Variants in PHLDB3 observed in about 807,000 individuals in gnomAD.
PHLDB3 encodes pleckstrin homology-like domain family B member 3.
A neutral mutation model predicts 85.7 loss-of-function variants in PHLDB3; 86 were observed. The observed-to-expected ratio is 1.00, with a 90% CI of 0.84 to 1.20. The LOEUF is 1.20. Among genes scored for constraint, PHLDB3 ranks in the 50% most tolerant of loss-of-function variants. The probability of loss-of-function intolerance (pLI) is 0.00; values close to 1 mark genes in which losing one functional copy is unlikely to be tolerated. For missense variants in PHLDB3, 995 were observed against 873.0 expected, an observed-to-expected ratio of 1.14 and a Z score of -1.76; for synonymous variants, 376 against 349.8, an observed-to-expected ratio of 1.07 and a Z score of -0.83.
chr19:43,476,196 C>T (rs901967829), intron 15 of PHLDB3, among the ~76,000 whole-genome samples: 1 of 152,184 alleles, frequency 6.6e-6, no homozygotes, highest in East Asian at 1.9e-4. Flanking sequence ...ATCTAGGTCC[C>T]CTTGTACCTG....
chr19:43,492,459 T>C (rs1971342480), intron 9 of PHLDB3, among the ~76,000 whole-genome samples: 1 of 151,628 alleles, frequency 6.6e-6, no homozygotes, highest in Admixed American at 6.6e-5. Flanking sequence ...AGGTGATCCA[T>C]CTGCCTCAGC....
At position 43,502,182 on chromosome 19, in the gene PHLDB3, C is replaced by G. The variant is rs775920456; in HGVS notation, c.315G>C (p.Gln105His). 3 of 1,578,696 alleles carry G rather than the reference C, an allele frequency of 1.9e-6. No individual in the cohort carries two copies. The highest frequency in any genetic ancestry group is 2.3e-5 in the East Asian group (1 of 42,748). The change falls in exon 3 of 16, where the codon CAG becomes CAC. Residue 105 changes from glutamine to histidine, a missense_variant. Transcript: ENST00000292140. ...RGAARRLQGQQLEALTRVALM... is the reference protein window; with the variant it reads ...RGAARRLQGQHLEALTRVALM... ...GGGCCACACGAGTCAATGCCTCCAG[C>G]TGCTGTCCTTGCAGGCGCCGCGCCG...
intron 9 of PHLDB3, among the ~76,000 whole-genome samples, chr19:43,490,000 C>T (rs1164059534): frequency 7.4e-6 from 1 of 135,830 alleles, no homozygotes; most frequent in Non-Finnish European, 1.5e-5. Flanking sequence ...GAGCAAGACT[C>T]TGCCAAAAAG....
intron 9 of PHLDB3, among the ~76,000 whole-genome samples, chr19:43,488,152 G>A (rs1364802225): frequency 4.1e-5 from 6 of 147,240 alleles, no homozygotes; most frequent in East Asian, 2.0e-4. Context: ...AGACTCTGTC[G>A]CAAAAAAAAA....
chr19:43,494,484 C>A (rs1971394353), intron 9 of PHLDB3, among the ~76,000 whole-genome samples: 1 of 152,058 alleles, frequency 6.6e-6, no homozygotes, highest in Non-Finnish European at 1.5e-5. Context: ...TCCCATTTCG[C>A]CAGGGCAGGG....
Position 43,475,475 on chromosome 19 carries a change from G to C in PHLDB3, c.1858C>G (p.Pro620Ala). The C allele has an allele frequency of 4.3e-6, 7 of 1,613,970 alleles. No homozygotes were observed. The highest frequency in any genetic ancestry group is 5.9e-6 in the Non-Finnish European group (7 of 1,179,888). ...TCCATCCAAATGCGCATGGCTTCGG[G>C]GCTCGGAGCCACCATGTAGAAAAGG... ...ERLFYMVAPSPEAMRIWMDVI... is the reference protein window; with the variant it reads ...ERLFYMVAPSAEAMRIWMDVI... Residue 620 changes from proline to alanine, a missense_variant, in exon 16 of 16, where the codon CCC becomes GCC. Physicochemically the swap from Pro to Ala is conservative, Grantham distance 27. Transcript: ENST00000292140.
chr19:43,475,678 G>T, intron 15 of PHLDB3, 134 bp from the exon 16 acceptor site: 1 of 1,165,772 alleles, frequency 8.6e-7, no homozygotes, highest in Non-Finnish European at 1.2e-6. Flanking sequence ...CAGTTTCCCT[G>T]TCTTCCCAAA....
chr19:43,485,989 C>T (rs1971145990), intron 13 of PHLDB3: 2 of 985,376 alleles, frequency 2.0e-6, no homozygotes, highest in Non-Finnish European at 2.4e-6. Context: ...GACTTGTCCT[C>T]CTTCTGTACT....
chr19:43,483,016 G>C (rs1031627097), intron 13 of PHLDB3, among the ~76,000 whole-genome samples: 26 of 152,090 alleles, frequency 1.7e-4, no homozygotes, highest in African/African-American at 6.3e-4. Flanking sequence ...CCAAAGGTGG[G>C]GATTGTTATC....
chr19:43,486,824 G>A lies in PHLDB3; in HGVS notation c.1296C>T (p.Gly432=), dbSNP rs200080704. Residue 432 remains glycine, a synonymous_variant, in exon 11 of 16, where the codon GGC becomes GGT. Coordinates refer to ENST00000292140, the MANE Select transcript of PHLDB3 (RefSeq NM_198850.4). ...TCAGCAGCTGGTAGAGGGGGTATCTGCCGGAGTCCCCCACTGCTGGCGGGA... is the reference window on the plus strand; with the variant it reads ...TCAGCAGCTGGTAGAGGGGGTATCTACCGGAGTCCCCCACTGCTGGCGGGA... ...SALPPAVGDS[G]RYPLYQLLNC... 93 of 1,586,856 alleles carry A rather than the reference G, an allele frequency of 5.9e-5. No individual in the cohort carries two copies. The highest frequency in any genetic ancestry group is 3.4e-4 in the Middle Eastern group (2 of 5,922).
Position 43,479,585 on chromosome 19 carries a change from G to T in PHLDB3, c.1494C>A (p.Pro498=). ...GPAVPAITAP[P]TPPHPPGPRI... is the part of the protein sequence containing the mutation. The stretch of plus-strand genomic sequence containing the variant: ...GCGGGCCTGGAGGGTGGGGTGGGGT[G>T]GGTGGGGCCTGGGGAGCAAAGAGAC... The change falls in exon 14 of 16, where the codon CCC becomes CCA. Residue 498 remains proline, a synonymous_variant. Transcript: ENST00000292140. 7 of 1,487,014 alleles carry T rather than the reference G, an allele frequency of 4.7e-6. No homozygotes were observed. The highest frequency in any genetic ancestry group is 1.2e-5 in the South Asian group (1 of 82,596). The allele number at this position is 1,487,014 out of a possible 1,614,324, so 92.1% of individuals were successfully genotyped here. A position where few individuals can be genotyped will look rare whatever the true frequency, so the allele number is the denominator to read the frequency against.
intron 6 of PHLDB3, chr19:43,496,759 T>A (rs1971466217): frequency 3.5e-6 from 1 of 282,006 alleles, no homozygotes; most frequent in Non-Finnish European, 6.5e-6. Context: ...GGTGACAGAG[T>A]GAGACGCTAT....
At chr19:43,488,802 C>CTTTTTT (rs1568478140) in intron 9 of PHLDB3, among the ~76,000 whole-genome samples, 1 of 149,586 alleles carries the variant, frequency 6.7e-6, no homozygotes. Context: ...CTCCATAGAC[C>CTTTTTT]ATTTTTTTTT....
intron 2 of PHLDB3, 145 bp from the exon 3 acceptor site, chr19:43,502,428 T>A: frequency 1.5e-6 from 1 of 680,792 alleles, no homozygotes; most frequent in South Asian, 2.6e-5. Context: ...CCATAATCTG[T>A]CGCAGGCTCT....
intron 4 of PHLDB3, chr19:43,501,486 G>C (rs1971597456): frequency 2.9e-6 from 2 of 679,636 alleles, no homozygotes; most frequent in Non-Finnish European, 4.7e-6. Flanking sequence ...CTTCCGGCCA[G>C]TTTGGAAGTT....
rs1971176798 is a variant in PHLDB3 at position 43,486,855 on chromosome 19, G to T, written c.1265C>A (p.Ser422Ter). 6.4e-7 allele frequency: 1 copy of T among 1,565,212 alleles called. No homozygotes were observed. Among genetic ancestry groups the T allele is most frequent in the African/African-American group, 1.4e-5 (1 of 73,924 alleles). The part of the protein sequence containing the change: ...SFHCTESLEA[S>*]ALPPAVGDSG... ...GTCCCCCACTGCTGGCGGGAGAGCTGAGGCCTCCAGGGATTCTAGGGTAGA... is the reference window on the plus strand; with the variant it reads ...GTCCCCCACTGCTGGCGGGAGAGCTTAGGCCTCCAGGGATTCTAGGGTAGA... Residue 422 changes from serine (S) to a stop codon, truncating the protein, a stop_gained, in exon 11 of 16, where the codon TCA becomes TAA. Transcript: ENST00000292140. LOFTEE classifies it high-confidence loss of function.
intron 5 of PHLDB3, 88 bp downstream of exon 5, chr19:43,497,660 C>T (rs540281382): frequency 7.9e-6 from 11 of 1,397,108 alleles, no homozygotes; most frequent in South Asian, 1.3e-5. Flanking sequence ...TGCAGTGAGC[C>T]GAGATCGCAC....
intron 3 of PHLDB3, 31 bp downstream of exon 3, chr19:43,502,070 G>A (rs1426121257): frequency 6.5e-7 from 1 of 1,548,424 alleles, no homozygotes; most frequent in East Asian, 2.4e-5. Flanking sequence ...TTGAGTTGGG[G>A]CCAGGCTTCC....
At chr19:43,498,267 A>C (rs2599443) in intron 4 of PHLDB3, among the ~76,000 whole-genome samples, 82,463 of 151,830 alleles carry the variant, frequency 0.54, 22,875 homozygotes, top group African/African-American at 0.65. Context: ...TGAGCCAGGG[A>C]GATTGAGGCT....
Sources: allele counts gnomAD v4.1 joint callset (sites outside exome capture counted in the v4.1 genomes callset), GRCh38; gene constraint gnomAD v4.1.1; transcripts MANE v1.5; gene names NCBI Gene and HGNC (gene_info 2026-07-23, HGNC 2026-07-21).